UQCC1: variants seen among roughly 807,000 people sequenced by gnomAD.
The protein encoded by UQCC1 is ubiquinol-cytochrome c reductase complex assembly factor 1, also known as bFGF-repressed Zic-binding protein.
UQCC1 carries 38 observed loss-of-function variants against 48.0 expected under a neutral mutation model. The observed-to-expected ratio is 0.79, with a 90% confidence interval of 0.61 to 1.04. The LOEUF (loss-of-function observed/expected upper bound fraction) is 1.04, where lower values mean the gene tolerates loss of function less well. UQCC1 is among the 50% of genes least tolerant of loss of function. The pLI, the probability that UQCC1 is intolerant of heterozygous loss-of-function variation, is 0.00. For missense variants in UQCC1, 368 were observed against 381.8 expected, an observed-to-expected ratio of 0.96 and a Z score of 0.30; for synonymous variants, 111 against 129.2, an observed-to-expected ratio of 0.86 and a Z score of 0.95.
intron 1 of UQCC1, among the ~76,000 whole-genome samples, chr20:35,397,689 G>A (rs949958710): frequency 6.6e-6 from 1 of 151,884 alleles, no homozygotes; most frequent in East Asian, 1.9e-4. Context: ...AAGTACATGG[G>A]GGAATATATA....
chr20:35,303,788 A>G lies in UQCC1; in HGVS notation c.*147T>C, dbSNP rs1392756611. ...CAGACTCCTGGGCACACTAAGAGGA[A>G]ACTCAACACAAATGGGGCCAGGTAT... On this transcript the variant is annotated 3_prime_UTR_variant, in exon 10 of 10. Transcript: ENST00000374385. 5.3e-6 allele frequency: 6 copies of G among 1,130,500 alleles called. No homozygotes were observed. Among genetic ancestry groups the G allele is most frequent in the Non-Finnish European group, 7.7e-6 (6 of 779,530 alleles). 70.0% of individuals were successfully genotyped at this position (1,130,500 alleles called of 1,614,324 possible).
chr20:35,376,143 A>C (rs2146466438), intron 4 of UQCC1, among the ~76,000 whole-genome samples: 1 of 149,012 alleles, frequency 6.7e-6, no homozygotes, highest in African/African-American at 2.4e-5. Context: ...CCCCGACTCT[A>C]CTAAAAATAC....
intron 1 of UQCC1, among the ~76,000 whole-genome samples, chr20:35,399,890 A>G (rs2062136386): frequency 1.4e-5 from 2 of 143,706 alleles, no homozygotes; most frequent in Admixed American, 1.4e-4. Context: ...ATCTGTCTAG[A>G]TGTCAGCTTC....
intron 6 of UQCC1, among the ~76,000 whole-genome samples, chr20:35,362,935 C>T (rs1282426924): frequency 2.6e-5 from 4 of 151,604 alleles, no homozygotes. Context: ...TTGGAGCCTC[C>T]TCCCTCTGTC....
chr20:35,333,644 C>A (rs1025753427), intron 7 of UQCC1, among the ~76,000 whole-genome samples: 1 of 150,930 alleles, frequency 6.6e-6, no homozygotes, highest in Admixed American at 6.6e-5. Context: ...AGGAACAGGG[C>A]AAACGGCTCT....
Position 35,306,790 on chromosome 20 carries a change from C to T in UQCC1, c.652-11G>A. The T allele has an allele frequency of 6.2e-7, 1 of 1,602,360 alleles. No individual in the cohort carries two copies. Among genetic ancestry groups the T allele is most frequent in the Non-Finnish European group, 8.6e-7 (1 of 1,169,338 alleles). The stretch of plus-strand genomic sequence containing the variant: ...ATCTGAAAGGATCCCCTGGAACATA[C>T]AGCACAGCAGTGGTCTCCTGAGGGA... On this transcript the variant is annotated splice_polypyrimidine_tract_variant and intron_variant, in intron 8 of 9. Transcript: ENST00000374385.
intron 8 of UQCC1, among the ~76,000 whole-genome samples, chr20:35,313,551 C>T (rs953865438): frequency 2.6e-5 from 4 of 152,056 alleles, no homozygotes; most frequent in African/African-American, 7.2e-5. Context: ...AGACAACATT[C>T]GGAAGGACAT....
intron 8 of UQCC1, among the ~76,000 whole-genome samples, chr20:35,310,957 C>G (rs1425337614): frequency 6.6e-6 from 1 of 151,470 alleles, no homozygotes; most frequent in Non-Finnish European, 1.5e-5. Context: ...CTCGGCCTCC[C>G]AAAGTGCTGG....
At chr20:35,324,528 G>T (rs576497478) in intron 7 of UQCC1, among the ~76,000 whole-genome samples, 1 of 152,044 alleles carries the variant, frequency 6.6e-6, no homozygotes, top group Non-Finnish European at 1.5e-5. Context: ...GGGTTTCACC[G>T]TGTTAGCCAG....
intron 8 of UQCC1, among the ~76,000 whole-genome samples, chr20:35,308,773 G>T (rs1316249506): frequency 6.6e-6 from 1 of 152,226 alleles, no homozygotes; most frequent in Non-Finnish European, 1.5e-5. Context: ...GAAGTGCAGT[G>T]GCATGATCTT....
chr20:35,324,316 C>T (rs1234289937), intron 7 of UQCC1, among the ~76,000 whole-genome samples: 2 of 152,116 alleles, frequency 1.3e-5, no homozygotes, highest in African/African-American at 2.4e-5. Context: ...ACCACCACAC[C>T]CAGCTAATTT....
chr20:35,305,041 A>C (rs1407800936), intron 9 of UQCC1, among the ~76,000 whole-genome samples: 2 of 152,098 alleles, frequency 1.3e-5, no homozygotes, highest in African/African-American at 4.8e-5. Context: ...CGGCCACACC[A>C]AACAGTCTGC....
intron 2 of UQCC1, chr20:35,384,664 G>A (rs4911497): frequency 0.18 from 37,761 of 208,992 alleles, 3,472 homozygotes; most frequent in African/African-American, 0.46. Context: ...AAAAAAAAAA[G>A]AGAGAGAGAG....
chr20:35,393,921 C>T (rs977009558), intron 2 of UQCC1, among the ~76,000 whole-genome samples, 171 bp downstream of exon 2: 4 of 152,040 alleles, frequency 2.6e-5, no homozygotes, highest in Admixed American at 6.6e-5. Flanking sequence ...TTAGAAGCAA[C>T]GCCCTAGACA....
chr20:35,326,679 ACACT>A (rs2061198620), intron 7 of UQCC1, among the ~76,000 whole-genome samples: 1 of 152,214 alleles, frequency 6.6e-6, no homozygotes, highest in Admixed American at 6.5e-5. Context: ...AGACGCTGAC[ACACT>A]CAGGTTTCCA....
chr20:35,345,275 A>G (rs2061420200), intron 7 of UQCC1: 1 of 152,198 alleles, frequency 6.6e-6, no homozygotes. Context: ...GGAGCTTGCA[A>G]TTGGTGTGGC....
chr20:35,370,482 A>G (rs1037911783), intron 5 of UQCC1, among the ~76,000 whole-genome samples: 3 of 152,026 alleles, frequency 2.0e-5, no homozygotes, highest in African/African-American at 7.2e-5. Flanking sequence ...CTTTTTATTC[A>G]CTAGCCACAG....
At chr20:35,401,695 CTT>C (rs1467805429) in intron 1 of UQCC1, among the ~76,000 whole-genome samples, 1 of 126,956 alleles carries the variant, frequency 7.9e-6, no homozygotes, top group African/African-American at 2.9e-5. Context: ...GAGTTTCACT[CTT>C]GTTGCCCAGA....
At chr20:35,385,103 T>C (rs1017207563) in intron 2 of UQCC1, among the ~76,000 whole-genome samples, 5 of 147,902 alleles carry the variant, frequency 3.4e-5, no homozygotes, top group Non-Finnish European at 5.9e-5. Context: ...GGGAAAAAAA[T>C]AAAGACACCA....
Sources: gnomAD v4.1 joint callset for allele counts (sites outside exome capture counted in the v4.1 genomes callset) on GRCh38, gnomAD v4.1.1 for gene constraint, MANE v1.5 for transcripts, NCBI Gene and HGNC (gene_info 2026-07-23, HGNC 2026-07-21) for gene names.